The following MAP2K1 variants were observed in gnomAD, a reference collection of about 807,000 sequenced individuals.
The protein encoded by MAP2K1 is dual specificity mitogen-activated protein kinase kinase 1.
A neutral mutation model predicts 46.3 loss-of-function variants in MAP2K1; 16 were observed. That is an observed-to-expected ratio of 0.35 (90% CI 0.23 to 0.52). The LOEUF (loss-of-function observed/expected upper bound fraction) is 0.52, where lower values mean the gene tolerates loss of function less well. MAP2K1 is among the 20% of genes least tolerant of loss of function. The pLI, the probability that MAP2K1 is intolerant of heterozygous loss-of-function variation, is 0.94. For synonymous variants in MAP2K1, 183 were observed against 185.6 expected, an observed-to-expected ratio of 0.99 and a Z score of 0.11; for missense variants, 263 against 497.1, an observed-to-expected ratio of 0.53 and a Z score of 4.48.
intron 5 of MAP2K1, among the ~76,000 whole-genome samples, chr15:66,456,085 T>G (rs568673733): frequency 1.1e-4 from 16 of 152,280 alleles, no homozygotes; most frequent in Non-Finnish European, 1.6e-4. Context: ...CTCCTCAGTC[T>G]TTTCCCCCAT....
At chr15:66,454,882 C>T (rs1450785353) in intron 5 of MAP2K1, among the ~76,000 whole-genome samples, 4 of 145,378 alleles carry the variant, frequency 2.8e-5, no homozygotes, top group African/African-American at 5.1e-5. Flanking sequence ...GACTCTGTCT[C>T]GAAAAAAAAA....
At chr15:66,420,874 T>C (rs1395010943) in intron 1 of MAP2K1, among the ~76,000 whole-genome samples, 12 of 122,744 alleles carry the variant, frequency 9.8e-5, no homozygotes, top group Non-Finnish European at 1.6e-4. Context: ...TATATGTGTG[T>C]ATATATATGT....
chr15:66,488,818 C>A, intron 8 of MAP2K1: 1 of 250,938 alleles, frequency 4.0e-6, no homozygotes, highest in Non-Finnish European at 7.8e-6. Flanking sequence ...TGGTTACGTT[C>A]CCATGCCGCA....
chr15:66,400,298 ACAGGTGT>A (rs1165674356), intron 1 of MAP2K1, among the ~76,000 whole-genome samples: 19 of 152,310 alleles, frequency 1.2e-4, no homozygotes, highest in African/African-American at 4.3e-4. Flanking sequence ...TGCTGGGATT[ACAGGTGT>A]CAGCCACTGT....
At chr15:66,401,909 G>A in intron 1 of MAP2K1, 2 of 1,086,866 alleles carry the variant, frequency 1.8e-6, no homozygotes, top group Non-Finnish European at 2.6e-6. Context: ...GAGTGTGACG[G>A]GTGCATCGGT....
At chr15:66,387,757 C>T (rs752834694) in intron 1 of MAP2K1, among the ~76,000 whole-genome samples, 1 of 152,188 alleles carries the variant, frequency 6.6e-6, no homozygotes, top group Non-Finnish European at 1.5e-5. Flanking sequence ...TAAATGTGAT[C>T]ATCTGGGAGT....
intron 3 of MAP2K1, among the ~76,000 whole-genome samples, chr15:66,440,352 A>G (rs555214245): frequency 2.0e-5 from 3 of 152,284 alleles, no homozygotes; most frequent in African/African-American, 7.2e-5. Context: ...TCGGCCTCTC[A>G]AAGTGCTGGG....
At chr15:66,461,316 C>T (rs1467051741) in intron 5 of MAP2K1, among the ~76,000 whole-genome samples, 1 of 151,868 alleles carries the variant, frequency 6.6e-6, no homozygotes, top group East Asian at 1.9e-4. Context: ...ATGGCGAAAC[C>T]CCAACTGAAA....
chr15:66,389,571 GGTTT>G (rs984513142), intron 1 of MAP2K1, among the ~76,000 whole-genome samples: 12 of 113,186 alleles, frequency 1.1e-4, no homozygotes, highest in Admixed American at 3.0e-4. Flanking sequence ...GCTCTGTTGT[GGTTT>G]TTTTTTTTTT....
At chr15:66,390,771 C>T (rs2093354481) in intron 1 of MAP2K1, among the ~76,000 whole-genome samples, 1 of 152,172 alleles carries the variant, frequency 6.6e-6, no homozygotes, top group South Asian at 2.1e-4. Flanking sequence ...ACTGAGTGAT[C>T]TGCCTGTTGT....
intron 5 of MAP2K1, among the ~76,000 whole-genome samples, chr15:66,456,162 A>G (rs1306600152): frequency 2.0e-5 from 3 of 152,186 alleles, no homozygotes; most frequent in Non-Finnish European, 4.4e-5. Context: ...TATTAGGTGA[A>G]TTACTCGTTA....
chr15:66,427,608 A>T (rs752916068), intron 1 of MAP2K1, among the ~76,000 whole-genome samples: 19 of 152,126 alleles, frequency 1.2e-4, no homozygotes, highest in Non-Finnish European at 2.4e-4. Context: ...TTGAGCACCT[A>T]CTGTGAGCTA....
At chr15:66,449,907 G>A (rs751295358) in intron 5 of MAP2K1, among the ~76,000 whole-genome samples, 1 of 150,648 alleles carries the variant, frequency 6.6e-6, no homozygotes, top group African/African-American at 2.4e-5. Context: ...CTGGCAAACC[G>A]AATCCAGCAG....
At chr15:66,437,784 T>C (rs1452094627) in intron 3 of MAP2K1, among the ~76,000 whole-genome samples, 1 of 152,204 alleles carries the variant, frequency 6.6e-6, no homozygotes, top group African/African-American at 2.4e-5. Flanking sequence ...AGGCATCTGC[T>C]GACATTTGTG....
chr15:66,487,757 A>G (rs1195702762), intron 8 of MAP2K1, among the ~76,000 whole-genome samples: 1 of 152,014 alleles, frequency 6.6e-6, no homozygotes, highest in East Asian at 1.9e-4. Flanking sequence ...GATTTGAGGG[A>G]GGCAGAGCAT....
chr15:66,421,683 C>G (rs36010518), intron 1 of MAP2K1, among the ~76,000 whole-genome samples: 17,847 of 151,126 alleles, frequency 0.12, 1,164 homozygotes, highest in Non-Finnish European at 0.15. Flanking sequence ...GCCTGTAATC[C>G]CAGCTACTTG....
chr15:66,487,280 C>T lies in MAP2K1; in HGVS notation c.948C>T (p.Tyr316=). 1 of 1,614,116 alleles carries T rather than the reference C, an allele frequency of 6.2e-7. No individual in the cohort carries two copies. Among genetic ancestry groups the T allele is most frequent in the Non-Finnish European group, 8.5e-7 (1 of 1,179,966 alleles). ...PPMAIFELLD[Y]IVNEPPPKLP... The stretch of plus-strand genomic sequence containing the variant: ...TGGCAATTTTTGAGTTGTTGGATTA[C>T]ATAGTCAACGAGGTAAGTACTGCCT... Residue 316 remains tyrosine, a synonymous_variant, in exon 8 of 11, where the codon TAC becomes TAT. Transcript: ENST00000307102.
chr15:66,417,725 AC>A (rs1251109037), intron 1 of MAP2K1, among the ~76,000 whole-genome samples: 2 of 151,962 alleles, frequency 1.3e-5, no homozygotes, highest in African/African-American at 2.4e-5. Context: ...AGATTTGCTG[AC>A]CCTCCTGTGT....
chr15:66,453,331 C>G (rs972013429), intron 5 of MAP2K1: 6 of 597,996 alleles, frequency 1.0e-5, no homozygotes, highest in South Asian at 4.1e-5. Flanking sequence ...CCAGATGGGT[C>G]TCTGAACAGA....
Sources: gnomAD v4.1 joint callset for allele counts (sites outside exome capture counted in the v4.1 genomes callset) on GRCh38, gnomAD v4.1.1 for gene constraint, MANE v1.5 for transcripts, NCBI Gene and HGNC (gene_info 2026-07-23, HGNC 2026-07-21) for gene names.